ABCG2: variants seen among roughly 807,000 people sequenced by gnomAD.
The protein encoded by ABCG2 is broad substrate specificity ATP-binding cassette transporter ABCG2.
In ABCG2, 80 loss-of-function variants were observed where a neutral mutation model predicts 73.5. The ratio of observed to expected loss-of-function variants is 1.09; its 90% CI spans 0.91 to 1.31. The LOEUF (loss-of-function observed/expected upper bound fraction) is 1.31. Ranked by LOEUF, ABCG2 falls within the 50% of genes most tolerant of loss-of-function variation. The pLI is 0.00. For missense variants in ABCG2, 796 were observed against 786.2 expected (o/e 1.01, Z -0.15); for synonymous variants, 269 against 282.4 (o/e 0.95, Z 0.48).
chr4:88,124,575 A>G (rs1389573940), intron 5 of ABCG2, among the ~76,000 whole-genome samples: 1 of 152,240 alleles, frequency 6.6e-6, no homozygotes, highest in Non-Finnish European at 1.5e-5. Context: ...AGAGTATTAC[A>G]TAATGGTAAA....
chr4:88,148,616 T>TAATAACTTA (rs1359707429), intron 1 of ABCG2, among the ~76,000 whole-genome samples: 16 of 152,190 alleles, frequency 1.1e-4, no homozygotes, highest in Non-Finnish European at 2.2e-4. Context: ...TATAGGAAAT[T>TAATAACTTA]AATAACTTAC....
chr4:88,107,244 C>A lies in ABCG2; in HGVS notation c.1217G>T (p.Gly406Val). Reference protein sequence around the residue: ...IAQIIVTVVLGLVIGAIYFGL... With the variant: ...IAQIIVTVVLVLVIGAIYFGL... ...AAAGTAAATGGCACCTATAACCAGT[C>A]CCAGTACGACTGTGACAATGATCTT... The change falls in exon 10 of 16, where the codon GGA becomes GTA. Residue 406 changes from glycine (G) to valine (V), a missense_variant. Transcript: ENST00000237612. The A allele has an allele frequency of 1.9e-6, 3 of 1,609,630 alleles. No individual in the cohort carries two copies. The highest frequency in any genetic ancestry group is 2.5e-6 in the Non-Finnish European group (3 of 1,178,532).
chr4:88,172,800 G>A (rs759698931), intron 1 of ABCG2, among the ~76,000 whole-genome samples: 2 of 151,970 alleles, frequency 1.3e-5, no homozygotes, highest in African/African-American at 4.8e-5. Flanking sequence ...TGCAGGAGGG[G>A]TTTTTTTCTG....
chr4:88,133,121 C>T (rs1560698605), intron 2 of ABCG2, among the ~76,000 whole-genome samples: 1 of 152,202 alleles, frequency 6.6e-6, no homozygotes. Flanking sequence ...ACACTTACTG[C>T]TCTTAACACA....
At chr4:88,102,156 C>T (rs1030310370) in intron 10 of ABCG2, among the ~76,000 whole-genome samples, 2 of 152,174 alleles carry the variant, frequency 1.3e-5, no homozygotes, top group African/African-American at 4.8e-5. Flanking sequence ...TCCTTGACCA[C>T]GCTAAGACAG....
In ABCG2 at chr4:88,113,359, C is replaced by G. The variant is rs901995137; in HGVS notation, c.1138G>C (p.Val380Leu). 6.2e-7 allele frequency: 1 copy of G among 1,614,166 alleles called. No individual in the cohort carries two copies. The highest frequency in any genetic ancestry group is 1.7e-5 in the Admixed American group (1 of 60,030). The change falls in exon 9 of 16, where the codon GTT (valine) becomes CTT (leucine). Residue 380 changes from valine (V) to leucine (L), a missense_variant. By Grantham distance (32) the Val-to-Leu change is conservative (BLOSUM62 1). Coordinates refer to ENST00000237612, the MANE Select transcript of ABCG2 (RefSeq NM_004827.3). ...TTSFCHQLRW[V>L]SKRSFKNLLG... ...AAGTTTTTGAATGAACGCTTGGAAA[C>G]CCATCTGAGTTGATGACAGAAGGAG...
chr4:88,158,073 T>C (rs559696804), intron 1 of ABCG2, among the ~76,000 whole-genome samples: 4 of 152,362 alleles, frequency 2.6e-5, no homozygotes, highest in African/African-American at 7.2e-5. Context: ...ACTTCTGTGC[T>C]CAGTGGGTTT....
chr4:88,113,276 A>G, intron 9 of ABCG2, 27 bp downstream of exon 9: 1 of 1,607,606 alleles, frequency 6.2e-7, no homozygotes, highest in Non-Finnish European at 8.5e-7. Flanking sequence ...TTCCCATTTG[A>G]GTATTTCAAA....
At chr4:88,106,474 C>T (rs1162829899) in intron 10 of ABCG2, among the ~76,000 whole-genome samples, 1 of 152,104 alleles carries the variant, frequency 6.6e-6, no homozygotes, top group African/African-American at 2.4e-5. Flanking sequence ...CATGAATGAG[C>T]CATAAAGACA....
rs758900849 is a variant in ABCG2, at chr4:88,101,278, C to T, written c.1319G>A (p.Ser440Asn). The T allele has an allele frequency of 6.2e-7, 1 of 1,614,124 alleles. No homozygotes were observed. Among genetic ancestry groups the T allele is most frequent in the Non-Finnish European group, 8.5e-7 (1 of 1,180,030 alleles). ...LFFLTTNQCF[S>N]SVSAVELFVV... ...AAAGAGTTCCACGGCTGAAACACTG[C>T]TGAAACACTGGTTGGTCGTCAGGAA... is the stretch of plus-strand genomic sequence containing the variant. Residue 440 changes from serine to asparagine, a missense_variant, in exon 11 of 16, where the codon AGC becomes AAC. Physicochemically the swap from Ser to Asn is conservative, Grantham distance 46 (BLOSUM62 1). Transcript: ENST00000237612.
chr4:88,218,254 A>C (rs955497219), intron 1 of ABCG2, among the ~76,000 whole-genome samples: 6 of 152,168 alleles, frequency 3.9e-5, no homozygotes, highest in African/African-American at 1.4e-4. Flanking sequence ...CTTACTATGC[A>C]TCTGTCTGTA....
rs1319714747 is a variant in ABCG2, at chr4:88,090,892, A to G, written c.*1342T>C. The G allele has an allele frequency of 6.6e-6, 1 of 152,230 alleles. No individual in the cohort carries two copies. The highest frequency in any genetic ancestry group is 2.4e-5 in the African/African-American group (1 of 41,470). The allele number at this position is 152,230 out of a possible 1,614,324, so 9.4% of individuals were successfully genotyped here. A position where few individuals can be genotyped will look rare whatever the true frequency, so the allele number is the denominator to read the frequency against. ...CTATATAAAATGTTAACATTAAGGG[A>G]AGCTGAGCAAAGAGTAGACAGGAAC... On this transcript the variant is annotated 3_prime_UTR_variant, in exon 16 of 16. Transcript: ENST00000237612.
intron 1 of ABCG2, among the ~76,000 whole-genome samples, chr4:88,152,998 A>C (rs1312059657): frequency 2.0e-5 from 3 of 152,166 alleles, no homozygotes; most frequent in African/African-American, 7.2e-5. Flanking sequence ...TTTTGTATGA[A>C]TTGAAAAAAG....
chr4:88,217,973 T>TAAAAAAAAAAAAAAAAAAAAATAAAAAA (rs34088003), intron 1 of ABCG2, among the ~76,000 whole-genome samples: 1 of 139,752 alleles, frequency 7.2e-6, no homozygotes. Context: ...TTCTAAAAAT[T>TAAAAAAAAAAAAAAAAAAAAATAAAAAA]AAAAAAAAAA....
chr4:88,175,678 T>C (rs1224443913), intron 1 of ABCG2, among the ~76,000 whole-genome samples: 1 of 152,224 alleles, frequency 6.6e-6, no homozygotes, highest in Non-Finnish European at 1.5e-5. Flanking sequence ...TCCCAAAATA[T>C]CTTGGCCAGT....
chr4:88,158,520 G>A lies in ABCG2; in HGVS notation c.-154C>T. On this transcript the variant is annotated 5_prime_UTR_variant, in exon 1 of 16. Coordinates refer to ENST00000237612, the MANE Select transcript of ABCG2 (RefSeq NM_004827.3). ...GACCTTCCAAACAAACTCTAAAGCA[G>A]CAGTTTCCACTTAACAAGACCACCA... 4.4e-6 allele frequency: 2 copies of A among 456,402 alleles called. No homozygotes were observed. Among genetic ancestry groups the A allele is most frequent in the South Asian group, 3.1e-5 (2 of 64,566 alleles). The allele number at this position is 456,402 out of a possible 1,614,324, so 28.3% of individuals were successfully genotyped here. A position where few individuals can be genotyped will look rare whatever the true frequency, so the allele number is the denominator to read the frequency against.
intron 12 of ABCG2, among the ~76,000 whole-genome samples, chr4:88,098,669 T>C (rs45592333): frequency 0.016 from 2,365 of 151,216 alleles, 55 homozygotes; most frequent in African/African-American, 0.053. Flanking sequence ...GATAGATAGA[T>C]AGATAGATAG....
At chr4:88,228,071 G>A (rs1730302701) in intron 1 of ABCG2, among the ~76,000 whole-genome samples, 1 of 152,228 alleles carries the variant, frequency 6.6e-6, no homozygotes, top group Non-Finnish European at 1.5e-5. Context: ...AAATCAAGGG[G>A]ATAATGTATG....
At chr4:88,225,444 C>T (rs1332187074) in intron 1 of ABCG2, among the ~76,000 whole-genome samples, 2 of 152,162 alleles carry the variant, frequency 1.3e-5, no homozygotes, top group Non-Finnish European at 2.9e-5. Flanking sequence ...GAGAGTGAAG[C>T]ATGATGAGGT....
Sources: gnomAD v4.1 joint callset for allele counts (sites outside exome capture counted in the v4.1 genomes callset) on GRCh38, gnomAD v4.1.1 for gene constraint, MANE v1.5 for transcripts, NCBI Gene and HGNC (gene_info 2026-07-23, HGNC 2026-07-21) for gene names.